PDS5B: variants seen among roughly 807,000 people sequenced by gnomAD.
The protein encoded by PDS5B is PDS5 cohesin associated factor B, also known as sister chromatid cohesion protein PDS5 homolog B.
In PDS5B, 51 loss-of-function variants were observed where a neutral mutation model predicts 184.1. That is an observed-to-expected ratio of 0.28 (90% CI 0.22 to 0.35). PDS5B has a LOEUF of 0.35. Among genes scored for constraint, PDS5B ranks in the 10% least tolerant of loss-of-function variants. The pLI, the probability that PDS5B is intolerant of heterozygous loss-of-function variation, is 1.00. For missense variants in PDS5B, 1,180 were observed against 1,723.3 expected (o/e 0.68, Z 5.58); for synonymous variants, 566 against 569.2 (o/e 0.99, Z 0.08).
intron 30 of PDS5B, among the ~76,000 whole-genome samples, chr13:32,762,458 C>A (rs928522426): frequency 6.6e-6 from 1 of 152,036 alleles, no homozygotes; most frequent in African/African-American, 2.4e-5. Context: ...GTTCTAGATT[C>A]CTGTATTAAT....
At chr13:32,605,786 G>A (rs1201908339) in intron 1 of PDS5B, among the ~76,000 whole-genome samples, 5 of 133,496 alleles carry the variant, frequency 3.7e-5, no homozygotes, top group African/African-American at 1.3e-4. Context: ...AGAATAGTTA[G>A]CTCTTCTTGT....
intron 19 of PDS5B, among the ~76,000 whole-genome samples, chr13:32,714,514 G>T (rs567883868): frequency 6.6e-6 from 1 of 152,170 alleles, no homozygotes; most frequent in Non-Finnish European, 1.5e-5. Flanking sequence ...ACTGGAGTCT[G>T]TTTTAGCTCT....
At position 32,630,261 on chromosome 13, in the gene PDS5B, G is replaced by A. The variant is rs560015153; in HGVS notation, c.-19-18493G>A. 5.3e-5 allele frequency among the ~76,000 whole-genome samples: 8 copies of A among 152,324 alleles called. No individual in the cohort carries two copies. In the South Asian group the frequency reaches 1.4e-3, roughly 28 times the overall value. ...TAGACCTCCTGAAGACCATTTATGG[G>A]TTTCCTATGTGGAATCTGAGTGTAA... is the stretch of plus-strand genomic sequence containing the variant. On this transcript the variant is annotated intron_variant, in intron 1 of 34. Coordinates refer to ENST00000315596, the MANE Select transcript of PDS5B (RefSeq NM_015032.4).
At chr13:32,672,480 G>A (rs1950963293) in intron 7 of PDS5B, among the ~76,000 whole-genome samples, 1 of 152,150 alleles carries the variant, frequency 6.6e-6, no homozygotes, top group African/African-American at 2.4e-5. Context: ...GAATTTATTA[G>A]GGGAATTGAC....
intron 1 of PDS5B, among the ~76,000 whole-genome samples, chr13:32,643,567 A>G (rs1031306947): frequency 1.3e-5 from 2 of 152,212 alleles, no homozygotes; most frequent in African/African-American, 4.8e-5. Flanking sequence ...GATGGACTGC[A>G]TATATGATGG....
intron 13 of PDS5B, chr13:32,689,112 A>G (rs986494323): frequency 6.4e-6 from 1 of 155,664 alleles, no homozygotes; most frequent in African/African-American, 2.4e-5. Context: ...TAGACATGGA[A>G]AAGACATTGC....
In PDS5B at chr13:32,628,502, C is replaced by G. The variant is rs375079379; in HGVS notation, c.-19-20252C>G. ...GGTGGAGGTTGGAGTGAGCCGAGAT[C>G]GTGCCACTGCACTCCAGTCTGGGCG... is the stretch of plus-strand genomic sequence containing the variant. On this transcript the variant is annotated intron_variant, in intron 1 of 34. Coordinates refer to ENST00000315596, the MANE Select transcript of PDS5B (RefSeq NM_015032.4). Among the ~76,000 whole-genome samples, 3 of 150,224 alleles carry G rather than the reference C, an allele frequency of 2.0e-5. No individual in the cohort carries two copies. In the East Asian group the frequency reaches 5.9e-4, roughly 29 times the overall value.
Position 32,716,962 on chromosome 13 carries a change from G to A in PDS5B, c.2123+6856G>A, listed in dbSNP as rs1365650819. The stretch of plus-strand genomic sequence containing the variant: ...GCCCGGCCAGCCACCCCGTCCGGGA[G>A]GGAGGTGGGGGGGTCAGTCCCCCGC... On this transcript the variant is annotated intron_variant, in intron 19 of 34. Coordinates refer to ENST00000315596, the MANE Select transcript of PDS5B (RefSeq NM_015032.4). Among the ~76,000 whole-genome samples, 5 of 120,626 alleles carry A rather than the reference G, an allele frequency of 4.1e-5. 1 individual carries two copies. Among genetic ancestry groups the A allele is most frequent in the African/African-American group, 6.5e-5 (2 of 30,764 alleles). The allele number at this position is 120,626 out of a possible 152,430, so 79.1% of individuals were successfully genotyped here. A position where few individuals can be genotyped will look rare whatever the true frequency, so the allele number is the denominator to read the frequency against.
chr13:32,590,104 T>C (rs2057751372), intron 1 of PDS5B, among the ~76,000 whole-genome samples: 1 of 152,244 alleles, frequency 6.6e-6, no homozygotes, highest in Non-Finnish European at 1.5e-5. Context: ...AGTATAATCA[T>C]TGTGTTCTAA....
At chr13:32,612,551 G>T (rs541213512) in intron 1 of PDS5B, among the ~76,000 whole-genome samples, 1 of 152,232 alleles carries the variant, frequency 6.6e-6, no homozygotes, top group South Asian at 2.1e-4. Context: ...AGCCAATGCC[G>T]TCTGCTATGG....
chr13:32,615,063 C>T (rs562227945), intron 1 of PDS5B, among the ~76,000 whole-genome samples: 41 of 152,264 alleles, frequency 2.7e-4, no homozygotes, highest in South Asian at 8.3e-4. Context: ...ACAACATCAC[C>T]GACACCACAG....
intron 1 of PDS5B, among the ~76,000 whole-genome samples, chr13:32,636,316 G>A (rs1268011997): frequency 6.6e-6 from 1 of 152,188 alleles, no homozygotes; most frequent in African/African-American, 2.4e-5. Context: ...AAAAATTAAA[G>A]CTGTCATGCT....
chr13:32,734,724 T>C (rs1368139089), intron 20 of PDS5B, among the ~76,000 whole-genome samples: 1 of 152,146 alleles, frequency 6.6e-6, no homozygotes, highest in Non-Finnish European at 1.5e-5. Context: ...CATACTTCAT[T>C]TTACTCCCAC....
At chr13:32,590,092 A>G (rs755360220) in intron 1 of PDS5B, among the ~76,000 whole-genome samples, 2 of 152,260 alleles carry the variant, frequency 1.3e-5, no homozygotes, top group Admixed American at 6.5e-5. Flanking sequence ...TGAGGTTTAA[A>G]AAGTATAATC....
At chr13:32,751,718 AATTT>A (rs1953988712) in intron 24 of PDS5B, among the ~76,000 whole-genome samples, 1 of 151,904 alleles carries the variant, frequency 6.6e-6, no homozygotes, top group Non-Finnish European at 1.5e-5. Context: ...TTTGTTTGTT[AATTT>A]ATTTAAGTTT....
intron 15 of PDS5B, among the ~76,000 whole-genome samples, chr13:32,697,912 C>A (rs1951754224): frequency 6.6e-6 from 1 of 152,064 alleles, no homozygotes; most frequent in African/African-American, 2.4e-5. Flanking sequence ...ACTAGGTCTT[C>A]CTATGTTGCC....
chr13:32,663,704 TTG>T (rs1950711755), intron 6 of PDS5B, among the ~76,000 whole-genome samples: 1 of 152,114 alleles, frequency 6.6e-6, no homozygotes, highest in South Asian at 2.1e-4. Context: ...TAAAAAAAAT[TTG>T]TATTTATTTA....
intron 22 of PDS5B, 148 bp downstream of exon 22, chr13:32,741,296 A>G (rs569671750): frequency 1.4e-5 from 7 of 505,930 alleles, no homozygotes; most frequent in East Asian, 3.3e-5. Flanking sequence ...CTGTGAGACT[A>G]TAGGGTAATA....
intron 6 of PDS5B, among the ~76,000 whole-genome samples, chr13:32,665,603 A>AAAG (rs1176556606): frequency 6.7e-6 from 1 of 150,132 alleles, no homozygotes; most frequent in Non-Finnish European, 1.5e-5. Context: ...AAAAAAAAAA[A>AAAG]AAAAAAAAAA....
Sources: allele counts gnomAD v4.1 joint callset (sites outside exome capture counted in the v4.1 genomes callset), GRCh38; gene constraint gnomAD v4.1.1; transcripts MANE v1.5; gene names NCBI Gene and HGNC (gene_info 2026-07-23, HGNC 2026-07-21).